The following SLC10A7 variants were observed in gnomAD, a reference collection of about 807,000 sequenced individuals.
SLC10A7 encodes sodium/bile acid cotransporter 7.
SLC10A7 carries 29 observed loss-of-function variants against 43.2 expected under a neutral mutation model. The observed-to-expected ratio is 0.67, with a 90% CI of 0.50 to 0.92. The LOEUF (loss-of-function observed/expected upper bound fraction) is 0.92, where lower values mean the gene tolerates loss of function less well. Among genes scored for constraint, SLC10A7 ranks in the 40% least tolerant of loss-of-function variants. The pLI is 0.00. For missense variants in SLC10A7, 295 were observed against 403.2 expected (o/e 0.73, Z 2.30); for synonymous variants, 152 against 144.8 (o/e 1.05, Z -0.35).
intron 10 of SLC10A7, among the ~76,000 whole-genome samples, chr4:146,279,143 G>C (rs1208297518): frequency 2.6e-5 from 4 of 152,114 alleles, no homozygotes; most frequent in Non-Finnish European, 5.9e-5. Flanking sequence ...TTGGAGTCTT[G>C]CCATTGACTG....
rs538142413 is a variant in SLC10A7, at chr4:146,271,008, G to A, written c.848-12171C>T. The stretch of plus-strand genomic sequence containing the variant: ...GGCTTGCAAGTTTGGGTGTCTATAG[G>A]TCTGGCTGATTTAGACTTTCATATC... On this transcript the variant is annotated intron_variant, in intron 10 of 11. Transcript: ENST00000335472. Among the ~76,000 whole-genome samples the A allele has an allele frequency of 4.6e-5, 7 of 152,260 alleles. No homozygotes were observed. The East Asian group carries it at 1.3e-3, about 29-fold the overall frequency.
At chr4:146,373,608 G>T (rs539167937) in intron 5 of SLC10A7, among the ~76,000 whole-genome samples, 1 of 152,118 alleles carries the variant, frequency 6.6e-6, no homozygotes, top group Non-Finnish European at 1.5e-5. Context: ...GACATGAGAC[G>T]TGAAAGAGGG....
intron 5 of SLC10A7, among the ~76,000 whole-genome samples, chr4:146,350,745 C>T (rs1160746094): frequency 1.2e-4 from 10 of 85,092 alleles, no homozygotes; most frequent in African/African-American, 7.4e-4. Flanking sequence ...AGCAGCCTAA[C>T]TGGGAGGCAC....
At chr4:146,318,531 G>C (rs1732477910) in intron 6 of SLC10A7, among the ~76,000 whole-genome samples, 1 of 152,144 alleles carries the variant, frequency 6.6e-6, no homozygotes, top group Non-Finnish European at 1.5e-5. Flanking sequence ...TACTATTGCA[G>C]TGTCCTAGCA....
intron 5 of SLC10A7, among the ~76,000 whole-genome samples, chr4:146,354,666 G>A (rs964243192): frequency 6.6e-6 from 1 of 151,312 alleles, no homozygotes; most frequent in Non-Finnish European, 1.5e-5. Flanking sequence ...AACCAAAACA[G>A]CATGGTACTG....
At position 146,340,989 on chromosome 4, in the gene SLC10A7, A is replaced by T. The variant is rs77664092; in HGVS notation, c.436-14993T>A. ...GAGGGCAACTTCTACACACTTTGAC[A>T]GTTTAAAAAAAAATCTATGCACAGC... On this transcript the variant is annotated intron_variant, in intron 5 of 11. Transcript: ENST00000335472. Among the ~76,000 whole-genome samples, 1,030 of 151,964 alleles carry T rather than the reference A, an allele frequency of 6.8e-3. 14 individuals carry two copies. The highest frequency in any genetic ancestry group is 0.023 in the African/African-American group (973 of 41,508).
intron 10 of SLC10A7, among the ~76,000 whole-genome samples, chr4:146,267,111 G>A (rs1728608297): frequency 6.6e-6 from 1 of 152,060 alleles, no homozygotes; most frequent in South Asian, 2.1e-4. Context: ...CATTACACAG[G>A]GCAGTGGAAA....
At chr4:146,502,114 T>C (rs1296162801) in intron 4 of SLC10A7, among the ~76,000 whole-genome samples, 2 of 152,144 alleles carry the variant, frequency 1.3e-5, no homozygotes, top group African/African-American at 4.8e-5. Flanking sequence ...GACATTTCAC[T>C]AAAGAAGACA....
At chr4:146,349,756 A>G (rs1456168238) in intron 5 of SLC10A7, among the ~76,000 whole-genome samples, 1 of 152,168 alleles carries the variant, frequency 6.6e-6, no homozygotes, top group African/African-American at 2.4e-5. Flanking sequence ...ATTAATGCAC[A>G]TTCTCACTTA....
intron 5 of SLC10A7, among the ~76,000 whole-genome samples, chr4:146,356,883 G>C (rs1196082325): frequency 2.6e-5 from 4 of 152,148 alleles, no homozygotes; most frequent in Non-Finnish European, 5.9e-5. Context: ...CTAGTCCTAT[G>C]CTTAATTTAT....
intron 5 of SLC10A7, among the ~76,000 whole-genome samples, chr4:146,358,776 G>A (rs905469892): frequency 6.6e-6 from 1 of 151,484 alleles, no homozygotes; most frequent in East Asian, 2.0e-4. Context: ...TCCTGATGAT[G>A]GACATTTGAA....
chr4:146,442,050 A>C (rs1579195709), intron 5 of SLC10A7: 1 of 978,574 alleles, frequency 1.0e-6, no homozygotes, highest in South Asian at 4.7e-5. Context: ...TATGATAATT[A>C]ACTTCAGGAA....
In SLC10A7 at chr4:146,260,549, C is replaced by A. The variant is rs577371286; in HGVS notation, c.848-1712G>T. 4.3e-4 allele frequency among the ~76,000 whole-genome samples: 66 copies of A among 152,314 alleles called. 2 individuals carry two copies. In the South Asian group the frequency reaches 0.013, roughly 31 times the overall value. On this transcript the variant is annotated intron_variant, in intron 10 of 11. Transcript: ENST00000335472. ...GGGCTCTGTGTCATTCAGTCTTCAG[C>A]AAGCTTAAGTGATCTCAGAAGGGAA... is the stretch of plus-strand genomic sequence containing the variant.
At chr4:146,499,938 T>C (rs1736245834) in intron 4 of SLC10A7, among the ~76,000 whole-genome samples, 1 of 152,202 alleles carries the variant, frequency 6.6e-6, no homozygotes. Context: ...GGCCAAAAGT[T>C]GAGAACAAAA....
At chr4:146,256,655 C>A in intron 11 of SLC10A7, 135 bp from the exon 12 acceptor site, 1 of 1,095,800 alleles carries the variant, frequency 9.1e-7, no homozygotes, top group Non-Finnish European at 1.4e-6. Context: ...ACCAATAATC[C>A]AAACCTCTGG....
chr4:146,319,240 A>T (rs1194564205), intron 6 of SLC10A7, among the ~76,000 whole-genome samples: 1 of 152,016 alleles, frequency 6.6e-6, no homozygotes, highest in Non-Finnish European at 1.5e-5. Context: ...TATTCCAGTC[A>T]CACTGGCCAC....
intron 5 of SLC10A7, among the ~76,000 whole-genome samples, chr4:146,340,823 G>T (rs892273866): frequency 2.0e-5 from 3 of 151,820 alleles, no homozygotes; most frequent in African/African-American, 7.3e-5. Flanking sequence ...AATATCTTCT[G>T]CTAATCATTT....
intron 5 of SLC10A7, among the ~76,000 whole-genome samples, chr4:146,418,735 T>C (rs1357756758): frequency 6.6e-6 from 1 of 152,126 alleles, no homozygotes; most frequent in East Asian, 1.9e-4. Context: ...CTGGATGTGC[T>C]CTAATTCAAT....
At chr4:146,439,742 T>C (rs1395728517) in intron 5 of SLC10A7, among the ~76,000 whole-genome samples, 1 of 152,146 alleles carries the variant, frequency 6.6e-6, no homozygotes, top group Non-Finnish European at 1.5e-5. Flanking sequence ...CTTATATAAT[T>C]AGGCTAGTAG....
Sources: gnomAD v4.1 joint callset for allele counts (sites outside exome capture counted in the v4.1 genomes callset) on GRCh38, gnomAD v4.1.1 for gene constraint, MANE v1.5 for transcripts, NCBI Gene and HGNC (gene_info 2026-07-23, HGNC 2026-07-21) for gene names.